Variants in RBFOX1 observed in about 807,000 individuals in gnomAD.
RBFOX1 encodes RNA binding protein fox-1 homolog 1.
In RBFOX1, 8 loss-of-function variants were observed where a neutral mutation model predicts 57.7. That is an observed-to-expected ratio of 0.14 (90% confidence interval 0.08 to 0.25). The LOEUF is 0.25. RBFOX1 is among the 10% of genes least tolerant of loss of function. The pLI, the probability that RBFOX1 is intolerant of heterozygous loss-of-function variation, is 1.00. For missense variants in RBFOX1, 611 were observed against 548.5 expected (o/e 1.11, Z -1.14); for synonymous variants, 326 against 222.4 (o/e 1.47, Z -4.15).
intron 10 of RBFOX1, among the ~76,000 whole-genome samples, chr16:7,611,387 G>C (rs1268585827): frequency 6.6e-6 from 1 of 152,054 alleles, no homozygotes; most frequent in African/African-American, 2.4e-5. Context: ...GACCAGCCTG[G>C]CCAACATGGT....
At chr16:5,700,917 G>C (rs1042845820) in intron 3 of RBFOX1, among the ~76,000 whole-genome samples, 3 of 152,206 alleles carry the variant, frequency 2.0e-5, no homozygotes, top group Non-Finnish European at 4.4e-5. Flanking sequence ...GTCACCCATA[G>C]TGTCTGAGAG....
chr16:7,191,802 A>C (rs1026796423), intron 4 of RBFOX1, among the ~76,000 whole-genome samples: 7 of 152,218 alleles, frequency 4.6e-5, no homozygotes, highest in African/African-American at 1.7e-4. Context: ...GGACAACTGT[A>C]AGCATAGCCT....
intron 4 of RBFOX1, among the ~76,000 whole-genome samples, chr16:7,060,447 C>G (rs2053898927): frequency 6.6e-6 from 1 of 152,116 alleles, no homozygotes; most frequent in Non-Finnish European, 1.5e-5. Context: ...TACATTAAAA[C>G]AAAAGCCTGA....
chr16:5,933,221 T>G (rs1407152620), intron 4 of RBFOX1, among the ~76,000 whole-genome samples: 6 of 152,204 alleles, frequency 3.9e-5, no homozygotes, highest in African/African-American at 1.4e-4. Context: ...CGCCAGGAGC[T>G]TCATTAATAA....
At chr16:5,453,907 G>A (rs975912798) in intron 1 of RBFOX1, among the ~76,000 whole-genome samples, 2 of 152,176 alleles carry the variant, frequency 1.3e-5, no homozygotes, top group African/African-American at 4.8e-5. Context: ...TTGTTGGGGT[G>A]GTTGGTGAAG....
chr16:5,405,943 G>T, intron 1 of RBFOX1, among the ~76,000 whole-genome samples: 1 of 152,178 alleles, frequency 6.6e-6, no homozygotes, highest in African/African-American at 2.4e-5. Flanking sequence ...CTCTGGGGAA[G>T]AGAGAACATC....
chr16:5,351,860 A>C (rs559606084), intron 1 of RBFOX1, among the ~76,000 whole-genome samples: 1 of 152,100 alleles, frequency 6.6e-6, no homozygotes, highest in Admixed American at 6.6e-5. Context: ...CTGGAGTACA[A>C]TGGCACAATC....
intron 4 of RBFOX1, among the ~76,000 whole-genome samples, chr16:7,461,522 G>T (rs113252102): frequency 0.019 from 2,837 of 152,244 alleles, 34 homozygotes; most frequent in Middle Eastern, 0.041. Flanking sequence ...TAGAATTTAA[G>T]TCTGAGTTGT....
chr16:5,567,946 G>A (rs952371126), intron 2 of RBFOX1, among the ~76,000 whole-genome samples: 1 of 152,188 alleles, frequency 6.6e-6, no homozygotes, highest in Non-Finnish European at 1.5e-5. Context: ...GCACAGTAGT[G>A]GGGCAGAGGG....
intron 2 of RBFOX1, among the ~76,000 whole-genome samples, chr16:6,514,529 G>C (rs529094595): frequency 6.6e-6 from 1 of 152,290 alleles, no homozygotes; most frequent in South Asian, 2.1e-4. Context: ...GTGTTTCAAT[G>C]ATGTTTGTAA....
intron 3 of RBFOX1, among the ~76,000 whole-genome samples, chr16:6,844,006 T>G (rs1603631416): frequency 6.6e-6 from 1 of 152,118 alleles, no homozygotes; most frequent in East Asian, 1.9e-4. Flanking sequence ...ATATGGCATT[T>G]TCTGTCTGAA....
intron 2 of RBFOX1, among the ~76,000 whole-genome samples, chr16:6,486,608 C>T (rs1022402153): frequency 1.3e-5 from 2 of 148,856 alleles, no homozygotes; most frequent in Admixed American, 1.3e-4. Flanking sequence ...TGTTGATTTT[C>T]TGACGAACAT....
intron 5 of RBFOX1, among the ~76,000 whole-genome samples, chr16:7,539,367 A>T (rs1190035966): frequency 1.3e-5 from 2 of 152,168 alleles, no homozygotes; most frequent in Non-Finnish European, 2.9e-5. Flanking sequence ...GTGCAAAGCC[A>T]GGTGTCCCTC....
At chr16:6,746,503 C>G (rs1194242084) in intron 3 of RBFOX1, among the ~76,000 whole-genome samples, 2 of 151,910 alleles carry the variant, frequency 1.3e-5, no homozygotes, top group Non-Finnish European at 2.9e-5. Flanking sequence ...ATGGCAAAGC[C>G]TCATCTCAAC....
intron 2 of RBFOX1, among the ~76,000 whole-genome samples, chr16:5,555,820 G>C (rs1010770815): frequency 6.6e-6 from 1 of 151,834 alleles, no homozygotes; most frequent in African/African-American, 2.4e-5. Context: ...TCGGGAGTTC[G>C]AGACGAGCCT....
intron 3 of RBFOX1, among the ~76,000 whole-genome samples, chr16:6,918,664 T>C (rs1248164376): frequency 2.0e-5 from 3 of 152,180 alleles, no homozygotes; most frequent in Non-Finnish European, 2.9e-5. Flanking sequence ...CTGAGTGTCC[T>C]ACCCAATGGG....
At chr16:5,688,322 A>G (rs1222523494) in intron 3 of RBFOX1, among the ~76,000 whole-genome samples, 1 of 152,176 alleles carries the variant, frequency 6.6e-6, no homozygotes, top group Non-Finnish European at 1.5e-5. Flanking sequence ...CATTTTTTGC[A>G]TTGCAACAAG....
chr16:7,275,530 G>A (rs1271141410), intron 4 of RBFOX1, among the ~76,000 whole-genome samples: 2 of 152,146 alleles, frequency 1.3e-5, no homozygotes, highest in African/African-American at 4.8e-5. Flanking sequence ...ATAGAATTTG[G>A]TATTTTTGCT....
intron 3 of RBFOX1, among the ~76,000 whole-genome samples, chr16:6,899,943 C>G (rs1016848157): frequency 5.3e-5 from 8 of 152,104 alleles, no homozygotes; most frequent in Non-Finnish European, 1.0e-4. Flanking sequence ...TATGTTTAGT[C>G]TTAATAGCTG....
Sources: gnomAD v4.1 joint callset for allele counts (sites outside exome capture counted in the v4.1 genomes callset) on GRCh38, gnomAD v4.1.1 for gene constraint, MANE v1.5 for transcripts, NCBI Gene and HGNC (gene_info 2026-07-23, HGNC 2026-07-21) for gene names.